The following ZNF264 variants were observed in gnomAD, a reference collection of about 807,000 sequenced individuals.
ZNF264 encodes zinc finger protein 264.
ZNF264 carries 11 observed loss-of-function variants against 11.2 expected under a neutral mutation model. That is an observed-to-expected ratio of 0.98 (90% CI 0.62 to 1.63). ZNF264 has a LOEUF of 1.63. Ranked by LOEUF, ZNF264 falls within the 40% of genes most tolerant of loss-of-function variation. The pLI is 0.00. For synonymous variants in ZNF264, 309 were observed against 279.8 expected (o/e 1.10, Z -1.04); for missense variants, 752 against 768.1 (o/e 0.98, Z 0.25).
At position 57,212,198 on chromosome 19, in the gene ZNF264, G is replaced by T; in HGVS notation, c.1101G>T (p.Gly367=). ...YLMWHQQTHT[G]EKPYECSECG... is the part of the protein sequence containing the mutation. ...TGTGGCACCAGCAGACTCATACCGG[G>T]GAGAAGCCCTATGAGTGCAGTGAAT... The change falls in exon 4 of 4, where the codon GGG becomes GGT. Residue 367 remains glycine, a synonymous_variant. Transcript: ENST00000263095. 6.2e-7 allele frequency: 1 copy of T among 1,614,124 alleles called. No homozygotes were observed. The highest frequency in any genetic ancestry group is 1.7e-5 in the Admixed American group (1 of 60,028).
At chr19:57,192,423 A>G (rs2087180694) in intron 1 of ZNF264, 1 of 985,188 alleles carries the variant, frequency 1.0e-6, no homozygotes, top group Non-Finnish European at 1.2e-6. Flanking sequence ...ATCCGCAACT[A>G]CTGCAGACAT....
intron 3 of ZNF264, among the ~76,000 whole-genome samples, chr19:57,207,104 T>C (rs1390854341): frequency 6.7e-6 from 1 of 148,542 alleles, no homozygotes; most frequent in East Asian, 1.9e-4. Context: ...TCAACATGCC[T>C]AACAAGGAAC....
At chr19:57,207,543 T>C (rs2087302090) in intron 3 of ZNF264, among the ~76,000 whole-genome samples, 1 of 149,668 alleles carries the variant, frequency 6.7e-6, no homozygotes, top group Non-Finnish European at 1.5e-5. Flanking sequence ...CTTTTTTCTT[T>C]TCTTTTTTTT....
intron 2 of ZNF264, 127 bp from the exon 3 acceptor site, chr19:57,205,270 T>C: frequency 2.4e-6 from 2 of 822,392 alleles, no homozygotes; most frequent in Non-Finnish European, 3.9e-6. Flanking sequence ...TGCCAGCTTT[T>C]CATTCCCATG....
chr19:57,201,436 A>G (rs972577866), intron 2 of ZNF264, among the ~76,000 whole-genome samples: 2 of 152,098 alleles, frequency 1.3e-5, no homozygotes, highest in Admixed American at 6.5e-5. Context: ...GGAAGAGAGA[A>G]TAAATAACTC....
rs1206899749 is a variant in ZNF264, at chr19:57,192,509, A to G, written c.33+563A>G. The G allele has an allele frequency of 1.1e-5, 11 of 985,202 alleles. No individual in the cohort carries two copies. In the African/African-American group the frequency reaches 1.7e-4, roughly 16 times the overall value. 61.0% of individuals were successfully genotyped at this position (985,202 alleles called of 1,614,324 possible). ...TGGCCGCTCGTGTTCCGTGGCCCCA[A>G]AGTATCCTGGCGTCAGAGACAAGTT... On this transcript the variant is annotated intron_variant, in intron 1 of 3. Coordinates refer to ENST00000263095, the MANE Select transcript of ZNF264 (RefSeq NM_003417.5).
At chr19:57,206,267 G>A (rs978722317) in intron 3 of ZNF264, among the ~76,000 whole-genome samples, 2 of 151,622 alleles carry the variant, frequency 1.3e-5, no homozygotes, top group Non-Finnish European at 2.9e-5. Context: ...TTTTTGAGAC[G>A]GAGTCTCGCT....
At chr19:57,211,119 C>A (rs140298834) in intron 3 of ZNF264, among the ~76,000 whole-genome samples, 17 of 152,240 alleles carry the variant, frequency 1.1e-4, no homozygotes, top group African/African-American at 4.1e-4. Context: ...GAAGGTGGCT[C>A]CACGAACAGA....
rs762130742 is a variant in ZNF264, at chr19:57,212,112, G to A, written c.1015G>A (p.Gly339Ser). 2 of 1,614,084 alleles carry A rather than the reference G, an allele frequency of 1.2e-6. No individual in the cohort carries two copies. Among genetic ancestry groups the A allele is most frequent in the East Asian group, 2.2e-5 (1 of 44,886 alleles). ...GFLRHYVVHS[G>S]ENPYECLECG... ...TCTCCGGCACTATGTTGTCCACAGTGGTGAGAATCCCTATGAGTGCTTGGA... is the reference window on the plus strand; with the variant it reads ...TCTCCGGCACTATGTTGTCCACAGTAGTGAGAATCCCTATGAGTGCTTGGA... Residue 339 changes from glycine (G) to serine (S), a missense_variant, in exon 4 of 4, where the codon GGT (glycine) becomes AGT (serine). Gly to Ser is a moderately conservative substitution (Grantham distance 56, BLOSUM62 0). Coordinates refer to ENST00000263095, the MANE Select transcript of ZNF264 (RefSeq NM_003417.5).
Position 57,211,713 on chromosome 19 carries a change from A to G in ZNF264, c.616A>G (p.Ser206Gly). The G allele has an allele frequency of 6.2e-7, 1 of 1,614,204 alleles. No individual in the cohort carries two copies. The stretch of plus-strand genomic sequence containing the variant: ...GGAAGAGGAAAATAACTTTAAATGC[A>G]GTGAATGTGGAAAAGTATTTAACAA... Reference protein sequence around the residue: ...IQEEENNFKCSECGKVFNKKH... With the variant: ...IQEEENNFKCGECGKVFNKKH... The change falls in exon 4 of 4, where the codon AGT becomes GGT. Residue 206 changes from serine (S) to glycine (G), a missense_variant. Ser to Gly is a moderately conservative substitution (Grantham distance 56, BLOSUM62 0). Transcript: ENST00000263095.
chr19:57,211,534 C>G lies in ZNF264; in HGVS notation c.437C>G (p.Pro146Arg). ...GGACACTTCAGACCAGGAATAGATC[C>G]CCAGGAGAAGTCTCCTGGGAAGATG... ...QEGHFRPGID[P>R]QEKSPGKMSP... The change falls in exon 4 of 4, where the codon CCC becomes CGC. Residue 146 changes from proline to arginine, a missense_variant. Physicochemically the swap from Pro to Arg is moderately radical, Grantham distance 103 (BLOSUM62 -2). Coordinates refer to ENST00000263095, the MANE Select transcript of ZNF264 (RefSeq NM_003417.5). The G allele has an allele frequency of 6.2e-7, 1 of 1,613,928 alleles. No individual in the cohort carries two copies. The highest frequency in any genetic ancestry group is 1.6e-4 in the Middle Eastern group (1 of 6,062).
intron 2 of ZNF264, 119 bp from the exon 3 acceptor site, chr19:57,205,278 A>G (rs892349185): frequency 3.3e-6 from 3 of 900,890 alleles, no homozygotes; most frequent in Admixed American, 2.2e-5. Flanking sequence ...TTTCATTCCC[A>G]TGCACAGGAG....
chr19:57,194,095 T>G, intron 2 of ZNF264, 94 bp downstream of exon 2: 1 of 1,492,618 alleles, frequency 6.7e-7, no homozygotes, highest in Non-Finnish European at 9.0e-7. Flanking sequence ...AGAAGGCCTC[T>G]AGAATCTACC....
chr19:57,206,692 T>A (rs34201246), intron 3 of ZNF264, among the ~76,000 whole-genome samples: 2 of 151,900 alleles, frequency 1.3e-5, no homozygotes, highest in Admixed American at 1.3e-4. Context: ...TTCTGAACTC[T>A]AGGGAATAGG....
chr19:57,216,445 G>T lies in ZNF264; in HGVS notation c.*3464G>T, dbSNP rs2087380836. Reference sequence around the variant, plus strand: ...TGTTTGCAAAGTTCAAAGCTGTATTGTTTGGTACATATACATGTAGGTTTG... The same window carrying T: ...TGTTTGCAAAGTTCAAAGCTGTATTTTTTGGTACATATACATGTAGGTTTG... On this transcript the variant is annotated 3_prime_UTR_variant, in exon 4 of 4. Transcript: ENST00000263095. 6.6e-6 allele frequency: 1 copy of T among 152,184 alleles called. No homozygotes were observed. The highest frequency in any genetic ancestry group is 2.4e-5 in the African/African-American group (1 of 41,452). 9.4% of individuals were successfully genotyped at this position (152,184 alleles called of 1,614,324 possible). A position where few individuals can be genotyped will look rare whatever the true frequency, so the allele number is the denominator to read the frequency against.
rs767674930 is a variant in ZNF264 at position 57,205,432 on chromosome 19, C to T, written c.196C>T (p.Leu66=). 8 of 1,612,348 alleles carry T rather than the reference C, an allele frequency of 5.0e-6. No homozygotes were observed. In the East Asian group the frequency reaches 1.6e-4, roughly 31 times the overall value. ...PVPKAELICH[L]EHGQEPWTRK... ...TCCCAAAGCTGAGCTGATCTGCCAC[C>T]TAGAGCATGGGCAGGAGCCATGGAC... is the stretch of plus-strand genomic sequence containing the variant. Residue 66 remains leucine (L), a synonymous_variant, in exon 3 of 4, where the codon CTA becomes TTA. Transcript: ENST00000263095.
rs1337957598 is a variant in ZNF264 at position 57,219,963 on chromosome 19, G to A, written c.*6982G>A. 1 of 152,272 alleles carries A rather than the reference G, an allele frequency of 6.6e-6. No homozygotes were observed. Among genetic ancestry groups the A allele is most frequent in the Non-Finnish European group, 1.5e-5 (1 of 68,050 alleles). 9.4% of individuals were successfully genotyped at this position (152,272 alleles called of 1,614,324 possible). ...GTGAATGTCATGTGGCTATGTATGAGACATTGTTGTGAATGTTTTACATGC... is the reference window on the plus strand; with the variant it reads ...GTGAATGTCATGTGGCTATGTATGAAACATTGTTGTGAATGTTTTACATGC... On this transcript the variant is annotated 3_prime_UTR_variant, in exon 4 of 4. Transcript: ENST00000263095.
chr19:57,213,707 A>G lies in ZNF264; in HGVS notation c.*726A>G, dbSNP rs1337101733. 1 of 152,094 alleles carries G rather than the reference A, an allele frequency of 6.6e-6. No individual in the cohort carries two copies. Among genetic ancestry groups the G allele is most frequent in the Non-Finnish European group, 1.5e-5 (1 of 68,008 alleles). The allele number at this position is 152,094 out of a possible 1,614,324, so 9.4% of individuals were successfully genotyped here. A position where few individuals can be genotyped will look rare whatever the true frequency, so the allele number is the denominator to read the frequency against. ...TCTAGTTCCTTTGACATTCCATATA[A>G]TTTTTAGGATTAGTTTGTACTTATT... On this transcript the variant is annotated 3_prime_UTR_variant, in exon 4 of 4. Transcript: ENST00000263095.
At chr19:57,207,016 T>G (rs2087298042) in intron 3 of ZNF264, among the ~76,000 whole-genome samples, 1 of 143,660 alleles carries the variant, frequency 7.0e-6, no homozygotes, top group African/African-American at 2.6e-5. Flanking sequence ...CAGTCCCTGT[T>G]CAGCCCTTCA....
Sources: allele counts gnomAD v4.1 joint callset (sites outside exome capture counted in the v4.1 genomes callset), GRCh38; gene constraint gnomAD v4.1.1; transcripts MANE v1.5; gene names NCBI Gene and HGNC (gene_info 2026-07-23, HGNC 2026-07-21).